The following DMD variants were observed in gnomAD, a reference collection of about 807,000 sequenced individuals.
DMD encodes dystrophin, also known as mutant dystrophin.
A neutral mutation model predicts 330.1 loss-of-function variants in DMD; 63 were observed. That is an observed-to-expected ratio of 0.19 (90% confidence interval 0.16 to 0.24). The LOEUF (loss-of-function observed/expected upper bound fraction) is 0.24. Ranked by LOEUF, DMD falls within the 10% of genes least tolerant of loss-of-function variation. The pLI is 1.00. For missense variants in DMD, 3,344 were observed against 2,684.1 expected (o/e 1.25, Z -5.43); for synonymous variants, 1,223 against 959.8 (o/e 1.27, Z -5.07).
At chrX:33,133,388 A>G (rs1337241881) in intron 1 of DMD, among the ~76,000 whole-genome samples, 2 of 111,829 alleles carry the variant, frequency 1.8e-5, no homozygotes, top group Non-Finnish European at 3.8e-5. Context: ...AATAATCACA[A>G]TTTTTTAAAA....
chrX:32,478,213 G>A (rs757763555), intron 21 of DMD, among the ~76,000 whole-genome samples: 1 of 111,285 alleles, frequency 9.0e-6, no homozygotes, highest in Non-Finnish European at 1.9e-5. Flanking sequence ...TTGTGAATAT[G>A]AAATCGAGTC....
chrX:33,039,226 C>T (rs1303268667), intron 1 of DMD, among the ~76,000 whole-genome samples: 4 of 110,745 alleles, frequency 3.6e-5, no homozygotes, highest in African/African-American at 1.3e-4. Context: ...ATTTTGGAGC[C>T]CTGCTTCCAT....
In DMD at chrX:32,480,329, C is replaced by G. The variant is rs150335498; in HGVS notation, c.2803+4590G>C. Among the ~76,000 whole-genome samples the G allele has an allele frequency of 2.5e-3, 270 of 110,071 alleles. 1 individual carries two copies. The highest frequency in any genetic ancestry group is 8.7e-3 in the African/African-American group (260 of 29,809). On this transcript the variant is annotated intron_variant, in intron 21 of 78. Coordinates refer to ENST00000357033, the MANE Select transcript of DMD (RefSeq NM_004006.3). ...TGGTGGGAATGTAAATTAGTACAGCCATTTTGGAAAATAGTATGAGGTTCC... is the reference window on the plus strand; with the variant it reads ...TGGTGGGAATGTAAATTAGTACAGCGATTTTGGAAAATAGTATGAGGTTCC...
intron 7 of DMD, among the ~76,000 whole-genome samples, chrX:32,803,424 T>C (rs1411106385): frequency 9.5e-6 from 1 of 104,808 alleles, no homozygotes; most frequent in Non-Finnish European, 1.9e-5. Context: ...GCTCCTGAAT[T>C]GAGTTTTTTT....
At chrX:32,239,913 T>C (rs2097201718) in intron 43 of DMD, among the ~76,000 whole-genome samples, 1 of 112,302 alleles carries the variant, frequency 8.9e-6, no homozygotes, top group Admixed American at 9.5e-5. Flanking sequence ...AATAATTTTA[T>C]AGCTATCTTT....
intron 1 of DMD, among the ~76,000 whole-genome samples, chrX:33,080,552 AAACCTG>A (rs2094912289): frequency 8.9e-6 from 1 of 111,893 alleles, no homozygotes; most frequent in Non-Finnish European, 1.9e-5. Context: ...TTTTAGTGAA[AAACCTG>A]ATAAAAAAGC....
chrX:31,375,267 C>A (rs1260430470), intron 60 of DMD, among the ~76,000 whole-genome samples: 2 of 112,025 alleles, frequency 1.8e-5, no homozygotes, highest in Admixed American at 9.4e-5. Flanking sequence ...AGCTTCCCTG[C>A]ATGCTCCTGC....
intron 60 of DMD, among the ~76,000 whole-genome samples, chrX:31,408,711 TTTTTG>T (rs201114840): frequency 1.6e-4 from 18 of 109,275 alleles, no homozygotes; most frequent in African/African-American, 5.4e-4. Flanking sequence ...TTTGAACTTT[TTTTTG>T]TTTTGTTTTG....
At chrX:33,045,340 A>ACACACACACACAC (rs1569551361) in intron 1 of DMD, among the ~76,000 whole-genome samples, 2 of 109,156 alleles carry the variant, frequency 1.8e-5, no homozygotes, top group Admixed American at 9.8e-5. Context: ...ACACACACAC[A>ACACACACACACAC]AGTATTTCGT....
intron 11 of DMD, among the ~76,000 whole-genome samples, chrX:32,632,107 T>C (rs1323595150): frequency 8.9e-6 from 1 of 112,293 alleles, no homozygotes; most frequent in Non-Finnish European, 1.9e-5. Context: ...ATTATAAGCA[T>C]TGAGTCAACA....
rs1569545825 is a variant in DMD, at chrX:31,474,757, A to AAAATAAAAT, written c.8937+3348_8937+3349insATTTTATTT. ...TAAAATAAAATAAAATAAAATAAAA[A>AAAATAAAAT]AAGAGAAACCATGGTTTATTAGAAA... On this transcript the variant is annotated intron_variant, in intron 59 of 78. Coordinates refer to ENST00000357033, the MANE Select transcript of DMD (RefSeq NM_004006.3). Among the ~76,000 whole-genome samples, 97 of 96,347 alleles carry AAAATAAAAT rather than the reference A, an allele frequency of 1.0e-3. 1 individual carries two copies. The highest frequency in any genetic ancestry group is 8.2e-3 in the East Asian group (28 of 3,397). The allele number at this position is 96,347 out of a possible 115,157, so 83.7% of individuals were successfully genotyped here.
intron 43 of DMD, among the ~76,000 whole-genome samples, chrX:32,227,939 T>C (rs1221233049): frequency 9.0e-6 from 1 of 111,097 alleles, no homozygotes; most frequent in Non-Finnish European, 1.9e-5. Flanking sequence ...GAAATTGCTT[T>C]AGATAAACGA....
intron 37 of DMD, among the ~76,000 whole-genome samples, chrX:32,350,383 AC>A (rs1163018893): frequency 8.1e-5 from 9 of 111,487 alleles, no homozygotes; most frequent in Non-Finnish European, 1.7e-4. Flanking sequence ...AGTATGGAGC[AC>A]ATTATCTTTC....
At chrX:31,717,874 T>G (rs753882251) in intron 52 of DMD, among the ~76,000 whole-genome samples, 11 of 112,080 alleles carry the variant, frequency 9.8e-5, no homozygotes, top group Admixed American at 9.4e-5. Flanking sequence ...TGCCTTTCCT[T>G]TCCTCGACCA....
intron 47 of DMD, among the ~76,000 whole-genome samples, chrX:31,903,369 T>C (rs1355000388): frequency 8.9e-6 from 1 of 111,753 alleles, no homozygotes; most frequent in East Asian, 2.8e-4. Context: ...GGACATTTCG[T>C]CCAAGTTTTT....
chrX:32,975,185 C>T (rs1013297039), intron 2 of DMD, among the ~76,000 whole-genome samples: 23 of 109,763 alleles, frequency 2.1e-4, no homozygotes, highest in African/African-American at 7.0e-4. Context: ...CTGCTATTTG[C>T]TTGTTTGCTT....
intron 43 of DMD, among the ~76,000 whole-genome samples, chrX:32,221,907 A>G (rs2097133294): frequency 8.9e-6 from 1 of 112,163 alleles, no homozygotes; most frequent in Non-Finnish European, 1.9e-5. Flanking sequence ...TCTACGGCTG[A>G]GTAGTATTGC....
chrX:32,401,639 C>T (rs1006602451), intron 30 of DMD, among the ~76,000 whole-genome samples: 1 of 111,251 alleles, frequency 9.0e-6, no homozygotes, highest in East Asian at 2.8e-4. Flanking sequence ...TGAGCAAGAC[C>T]TAGTATTTGC....
chrX:31,156,792 T>C (rs1734605955), intron 74 of DMD, among the ~76,000 whole-genome samples: 1 of 112,112 alleles, frequency 8.9e-6, no homozygotes, highest in Admixed American at 9.5e-5. Context: ...CACTTAATTA[T>C]CTGAAATGGA....
Sources: allele counts gnomAD v4.1 joint callset (sites outside exome capture counted in the v4.1 genomes callset), GRCh38; gene constraint gnomAD v4.1.1; transcripts MANE v1.5; gene names NCBI Gene and HGNC (gene_info 2026-07-23, HGNC 2026-07-21).